DLGAP1: variants seen among roughly 807,000 people sequenced by gnomAD.
DLGAP1 encodes disks large-associated protein 1.
A neutral mutation model predicts 90.8 loss-of-function variants in DLGAP1; 11 were observed. The ratio of observed to expected loss-of-function variants is 0.12; its 90% CI spans 0.08 to 0.20. The LOEUF is 0.20. Ranked by LOEUF, DLGAP1 falls within the 10% of genes least tolerant of loss-of-function variation. The pLI is 1.00. For missense variants in DLGAP1, 1,050 were observed against 1,333.8 expected (o/e 0.79, Z 3.31); for synonymous variants, 558 against 540.7 (o/e 1.03, Z -0.44).
chr18:3,520,079 T>C (rs2051085480), intron 10 of DLGAP1, among the ~76,000 whole-genome samples: 1 of 152,214 alleles, frequency 6.6e-6, no homozygotes, highest in Non-Finnish European at 1.5e-5. Flanking sequence ...TGGTATTTTG[T>C]TGGAGCAACA....
rs1435661482 is a variant in DLGAP1 at position 3,600,943 on chromosome 18, GATATATAGATAT to G, written c.1592-18707_1592-18696del. 4.1e-4 allele frequency among the ~76,000 whole-genome samples: 29 copies of G among 70,440 alleles called. 4 individuals are homozygous for G. Among genetic ancestry groups the G allele is most frequent in the Non-Finnish European group, 7.7e-4 (25 of 32,376 alleles). 46.2% of individuals were successfully genotyped at this position (70,440 alleles called of 152,430 possible). ...ATAGATATATATAGATATATAGATA[GATATATAGATAT>G]ATATAGATATATAGATAGATATATA... On this transcript the variant is annotated intron_variant, in intron 7 of 12. Transcript: ENST00000315677.
intron 3 of DLGAP1, among the ~76,000 whole-genome samples, chr18:3,957,348 G>C (rs543890685): frequency 7.9e-5 from 12 of 152,308 alleles, no homozygotes; most frequent in African/African-American, 2.6e-4. Flanking sequence ...CAGCCCTGTG[G>C]ACACCTTAAC....
At chr18:3,903,785 T>C (rs1040783768) in intron 3 of DLGAP1, among the ~76,000 whole-genome samples, 1 of 152,236 alleles carries the variant, frequency 6.6e-6, no homozygotes, top group African/African-American at 2.4e-5. Flanking sequence ...CCTCCTACAA[T>C]AGCTGACTCT....
intron 7 of DLGAP1, among the ~76,000 whole-genome samples, chr18:3,703,444 A>G (rs1338031128): frequency 6.6e-6 from 1 of 152,268 alleles, no homozygotes; most frequent in Admixed American, 6.5e-5. Context: ...AACTAGACAG[A>G]CACAGAAAAT....
chr18:3,560,115 G>C (rs2053989357), intron 9 of DLGAP1, among the ~76,000 whole-genome samples: 2 of 151,752 alleles, frequency 1.3e-5, no homozygotes, highest in Admixed American at 6.6e-5. Flanking sequence ...TTATCTGTTA[G>C]ATCAGTTAAG....
chr18:4,195,230 C>T (rs998021079), intron 1 of DLGAP1, among the ~76,000 whole-genome samples: 2 of 152,108 alleles, frequency 1.3e-5, no homozygotes, highest in African/African-American at 4.8e-5. Context: ...TAAGCCATTC[C>T]CATTCAAGAT....
intron 3 of DLGAP1, among the ~76,000 whole-genome samples, chr18:3,956,230 C>T (rs908240387): frequency 6.6e-6 from 1 of 152,126 alleles, no homozygotes; most frequent in Non-Finnish European, 1.5e-5. Context: ...AGATTGCTCA[C>T]AGGAGCAATG....
At chr18:3,949,448 C>T (rs932097573) in intron 3 of DLGAP1, among the ~76,000 whole-genome samples, 2 of 152,160 alleles carry the variant, frequency 1.3e-5, no homozygotes, top group African/African-American at 4.8e-5. Flanking sequence ...TGTGACTTCA[C>T]ACCACAGGTC....
intron 7 of DLGAP1, among the ~76,000 whole-genome samples, chr18:3,644,574 C>A (rs2059054089): frequency 6.6e-6 from 1 of 151,974 alleles, no homozygotes. Flanking sequence ...CCATTCCCGG[C>A]TAATTTTTTT....
intron 7 of DLGAP1, among the ~76,000 whole-genome samples, chr18:3,658,524 A>G (rs2059578034): frequency 6.6e-6 from 1 of 152,196 alleles, no homozygotes; most frequent in Admixed American, 6.5e-5. Context: ...ATTTGCTATT[A>G]TTTTTTGCCA....
chr18:3,667,941 A>C (rs1320534063), intron 7 of DLGAP1, among the ~76,000 whole-genome samples: 1 of 152,186 alleles, frequency 6.6e-6, no homozygotes, highest in African/African-American at 2.4e-5. Flanking sequence ...ACCTCCTCCC[A>C]AAACTCAATT....
intron 4 of DLGAP1, among the ~76,000 whole-genome samples, chr18:3,839,914 C>A (rs1379949104): frequency 1.3e-5 from 2 of 152,246 alleles, no homozygotes; most frequent in Non-Finnish European, 2.9e-5. Context: ...CTCAGACACC[C>A]TGGCTGTCAG....
chr18:3,904,009 A>G (rs1423075080), intron 3 of DLGAP1, among the ~76,000 whole-genome samples: 1 of 152,232 alleles, frequency 6.6e-6, no homozygotes, highest in Non-Finnish European at 1.5e-5. Context: ...AGGAAACATC[A>G]TTAATCAAGC....
intron 5 of DLGAP1, among the ~76,000 whole-genome samples, chr18:3,790,327 G>A (rs1157668309): frequency 2.6e-5 from 4 of 151,380 alleles, no homozygotes; most frequent in African/African-American, 4.9e-5. Context: ...GAGTACAGTG[G>A]CATGATGATA....
At chr18:3,546,786 T>C (rs930291518) in intron 9 of DLGAP1, among the ~76,000 whole-genome samples, 2 of 152,116 alleles carry the variant, frequency 1.3e-5, no homozygotes, top group Admixed American at 1.3e-4. Context: ...TTCAAATCAA[T>C]GCTCAGCTTC....
chr18:3,845,704 G>A (rs1035171728), intron 4 of DLGAP1: 25 of 660,966 alleles, frequency 3.8e-5, no homozygotes, highest in Non-Finnish European at 4.7e-5. Context: ...ATCAGGGAAC[G>A]ATCCTTGCAG....
intron 2 of DLGAP1, among the ~76,000 whole-genome samples, chr18:4,141,949 C>T (rs2076501843): frequency 6.6e-6 from 1 of 152,154 alleles, no homozygotes; most frequent in East Asian, 1.9e-4. Flanking sequence ...TCACATATCT[C>T]TGTATCTCTA....
chr18:3,815,855 G>C (rs975109767), intron 4 of DLGAP1, among the ~76,000 whole-genome samples: 1 of 152,072 alleles, frequency 6.6e-6, no homozygotes, highest in East Asian at 1.9e-4. Flanking sequence ...TTAAGTAAAA[G>C]AGACCAAAAA....
chr18:4,181,449 G>A (rs1212994769), intron 1 of DLGAP1, among the ~76,000 whole-genome samples: 3 of 152,134 alleles, frequency 2.0e-5, no homozygotes, highest in Non-Finnish European at 4.4e-5. Flanking sequence ...AATATATACT[G>A]CGGCAGTATA....
Sources: allele counts gnomAD v4.1 joint callset (sites outside exome capture counted in the v4.1 genomes callset), GRCh38; gene constraint gnomAD v4.1.1; transcripts MANE v1.5; gene names NCBI Gene and HGNC (gene_info 2026-07-23, HGNC 2026-07-21).